Variants in PDZK1 observed in about 807,000 individuals in gnomAD.
The protein encoded by PDZK1 is PDZ domain containing 1, also known as Na(+)/H(+) exchange regulatory cofactor NHE-RF3.
PDZK1 carries 23 observed loss-of-function variants against 38.1 expected under a neutral mutation model. The observed-to-expected ratio is 0.60, with a 90% CI of 0.43 to 0.85. The LOEUF is 0.85. Among genes scored for constraint, PDZK1 ranks in the 40% least tolerant of loss-of-function variants. The pLI is 0.00. For missense variants in PDZK1, 297 were observed against 504.3 expected (o/e 0.59, Z 3.94); for synonymous variants, 98 against 186.2 (o/e 0.53, Z 3.86).
At chr1:145,683,018 GC>G (rs782419257) in intron 3 of PDZK1, among the ~76,000 whole-genome samples, 2 of 152,188 alleles carry the variant, frequency 1.3e-5, no homozygotes, top group Non-Finnish European at 2.9e-5. Context: ...AACTGGATTT[GC>G]CTGCCTTGTC....
At chr1:145,691,446 T>TAATTAGGAAGGATCTTTGTA (rs1553703156) in intron 1 of PDZK1, among the ~76,000 whole-genome samples, 1 of 152,180 alleles carries the variant, frequency 6.6e-6, no homozygotes, top group Non-Finnish European at 1.5e-5. Flanking sequence ...ACACAGGGCC[T>TAATTAGGAAGGATCTTTGTA]AATTAGGAAG....
chr1:145,697,198 G>A (rs587738700), intron 1 of PDZK1, among the ~76,000 whole-genome samples: 15 of 152,136 alleles, frequency 9.9e-5, no homozygotes, highest in African/African-American at 2.6e-4. Flanking sequence ...ATGGAGGCAC[G>A]TGCCTGTAAG....
chr1:145,698,549 A>G (rs1553704538), intron 1 of PDZK1, among the ~76,000 whole-genome samples: 1 of 152,174 alleles, frequency 6.6e-6, no homozygotes, highest in Non-Finnish European at 1.5e-5. Flanking sequence ...ATGGGTTCCC[A>G]TGGATTTTTC....
chr1:145,689,236 A>T (rs587643772), intron 1 of PDZK1, among the ~76,000 whole-genome samples: 1 of 152,268 alleles, frequency 6.6e-6, no homozygotes, highest in East Asian at 1.9e-4. Flanking sequence ...GGCACATATC[A>T]CTATGCCCTG....
At chr1:145,673,148 A>G in intron 7 of PDZK1, 128 bp from the exon 8 acceptor site, 2 of 635,996 alleles carry the variant, frequency 3.1e-6, no homozygotes, top group South Asian at 2.0e-5. Flanking sequence ...TCCTTGAGGT[A>G]TAGAAGTTGA....
At chr1:145,698,401 C>T (rs907009303) in intron 1 of PDZK1, among the ~76,000 whole-genome samples, 1 of 152,072 alleles carries the variant, frequency 6.6e-6, no homozygotes, top group African/African-American at 2.4e-5. Flanking sequence ...GAGAATGGAG[C>T]CCCCGAGCTG....
At chr1:145,674,885 C>G (rs1289596195) in intron 6 of PDZK1, among the ~76,000 whole-genome samples, 2 of 152,008 alleles carry the variant, frequency 1.3e-5, no homozygotes, top group African/African-American at 4.8e-5. Flanking sequence ...TATCACTATC[C>G]AAAGATTCAA....
chr1:145,679,887 G>A (rs587697363), intron 5 of PDZK1, among the ~76,000 whole-genome samples: 5 of 152,246 alleles, frequency 3.3e-5, no homozygotes, highest in South Asian at 2.1e-4. Flanking sequence ...CCTTTCCAAC[G>A]AATTCTTGTA....
chr1:145,688,608 C>T (rs1399431739), intron 1 of PDZK1, among the ~76,000 whole-genome samples: 8 of 152,036 alleles, frequency 5.3e-5, no homozygotes, highest in African/African-American at 1.9e-4. Flanking sequence ...AATGACACTT[C>T]CAAGAACTGA....
At chr1:145,690,649 C>T (rs1342395758) in intron 1 of PDZK1, among the ~76,000 whole-genome samples, 1 of 152,160 alleles carries the variant, frequency 6.6e-6, no homozygotes, top group Non-Finnish European at 1.5e-5. Context: ...TTCTAAGGCA[C>T]TCACACCCAA....
chr1:145,704,838 T>A lies in PDZK1; in HGVS notation c.-3+2479A>T, dbSNP rs781889598. 2.6e-5 allele frequency among the ~76,000 whole-genome samples: 4 copies of A among 152,332 alleles called. 1 individual carries two copies. Among genetic ancestry groups the A allele is most frequent in the African/African-American group, 9.6e-5 (4 of 41,580 alleles). On this transcript the variant is annotated intron_variant, in intron 1 of 8. Transcript: ENST00000417171. Reference sequence around the variant, plus strand: ...ACCAGAGAAACCCATTCCCATATGATTAGACCCTGGACTTCAGATGCCCTG... The same window carrying A: ...ACCAGAGAAACCCATTCCCATATGAATAGACCCTGGACTTCAGATGCCCTG...
Position 145,672,781 on chromosome 1 carries a change from T to G in PDZK1, c.1455A>C (p.Lys485Asn). ...GGTTTGACTCCACCACTATTCCTTC[T>G]TTAGAATCTGGAGGGGTGTCAAGTG... ...ADPLDTPPDS[K>N]EGIVVESNHD... Residue 485 changes from lysine (K) to asparagine (N), a missense_variant, in exon 8 of 9, where the codon AAA becomes AAC. Lys to Asn is a moderately conservative substitution (Grantham distance 94). Coordinates refer to ENST00000417171, the MANE Select transcript of PDZK1 (RefSeq NM_001201325.2). 1.2e-6 allele frequency: 2 copies of G among 1,611,856 alleles called. No homozygotes were observed. Among genetic ancestry groups the G allele is most frequent in the Non-Finnish European group, 8.5e-7 (1 of 1,179,780 alleles).
At chr1:145,686,752 C>T (rs782811204) in intron 2 of PDZK1, 26 bp from the exon 3 acceptor site, 43 of 1,264,498 alleles carry the variant, frequency 3.4e-5, no homozygotes, top group Admixed American at 1.6e-4. Flanking sequence ...AAAAAGGTAA[C>T]TTTAATAACC....
At chr1:145,687,408 C>T (rs1220705772) in intron 2 of PDZK1, among the ~76,000 whole-genome samples, 1 of 150,304 alleles carries the variant, frequency 6.7e-6, no homozygotes, top group African/African-American at 2.5e-5. Context: ...GCCTATAGTC[C>T]CAGCTACTTG....
chr1:145,703,271 C>T (rs1301473582), intron 1 of PDZK1, among the ~76,000 whole-genome samples: 8 of 152,096 alleles, frequency 5.3e-5, no homozygotes, highest in Non-Finnish European at 1.2e-4. Context: ...GAATAGCTAC[C>T]GTCCTGCCCT....
chr1:145,680,467 C>T (rs1177223428), intron 5 of PDZK1, among the ~76,000 whole-genome samples: 1 of 151,974 alleles, frequency 6.6e-6, no homozygotes, highest in Non-Finnish European at 1.5e-5. Context: ...CTCACCCACA[C>T]CTCGGCCTCA....
At chr1:145,696,752 G>A (rs1655652843) in intron 1 of PDZK1, among the ~76,000 whole-genome samples, 2 of 152,216 alleles carry the variant, frequency 1.3e-5, no homozygotes, top group Admixed American at 6.5e-5. Context: ...GAAAGGGAAT[G>A]TGTCAAAGGA....
chr1:145,703,556 T>C lies in PDZK1; in HGVS notation c.-3+3761A>G, dbSNP rs587757774. Among the ~76,000 whole-genome samples the C allele has an allele frequency of 1.9e-4, 29 of 152,130 alleles. 3 individuals are homozygous for C. The highest frequency in any genetic ancestry group is 1.8e-3 in the Admixed American group (28 of 15,274). On this transcript the variant is annotated intron_variant, in intron 1 of 8. Transcript: ENST00000417171. ...GAGTCTGGATTCAAACCCAGTTGAG[T>C]CTGGATTCCTTCCACCATCTACCCT...
Position 145,686,733 on chromosome 1 carries a change from G to C in PDZK1, c.211-7C>G. 7.0e-7 allele frequency: 1 copy of C among 1,426,410 alleles called. No individual in the cohort carries two copies. The highest frequency in any genetic ancestry group is 2.3e-5 in the East Asian group (1 of 43,550). The allele number at this position is 1,426,410 out of a possible 1,614,324, so 88.4% of individuals were successfully genotyped here. On this transcript the variant is annotated splice_polypyrimidine_tract_variant and splice_region_variant and intron_variant, in intron 2 of 8. Coordinates refer to ENST00000417171, the MANE Select transcript of PDZK1 (RefSeq NM_001201325.2). Reference sequence around the variant, plus strand: ...TTCTGACCAGATCCACAACCTAGGAGGGAAGAAGAAAAAGGTAACTTTAAT... The same window carrying C: ...TTCTGACCAGATCCACAACCTAGGACGGAAGAAGAAAAAGGTAACTTTAAT...
Sources: allele counts gnomAD v4.1 joint callset (sites outside exome capture counted in the v4.1 genomes callset), GRCh38; gene constraint gnomAD v4.1.1; transcripts MANE v1.5; gene names NCBI Gene and HGNC (gene_info 2026-07-23, HGNC 2026-07-21).